The following NWD2 variants were observed in gnomAD, a reference collection of about 807,000 sequenced individuals.
NWD2 encodes NACHT and WD repeat domain containing 2.
Under a neutral mutation model 132.7 loss-of-function variants are expected in NWD2, and 37 were observed. That is an observed-to-expected ratio of 0.28 (90% CI 0.21 to 0.37). NWD2 has a LOEUF of 0.37. Ranked by LOEUF, NWD2 falls within the 10% of genes least tolerant of loss-of-function variation. The pLI is 1.00. For synonymous variants in NWD2, 705 were observed against 803.0 expected (o/e 0.88, Z 2.06); for missense variants, 1,592 against 2,122.4 (o/e 0.75, Z 4.91).
At chr4:37,311,809 G>T in intron 1 of NWD2, among the ~76,000 whole-genome samples, 1 of 149,152 alleles carries the variant, frequency 6.7e-6, no homozygotes, top group African/African-American at 2.6e-5. Context: ...TTTTGTATAA[G>T]GTATAAGGAA....
At position 37,255,058 on chromosome 4, in the gene NWD2, T is replaced by C. The variant is rs927909866; in HGVS notation, c.151+9840T>C. Among the ~76,000 whole-genome samples, 3 of 152,222 alleles carry C rather than the reference T, an allele frequency of 2.0e-5. No homozygotes were observed. The South Asian group carries it at 6.2e-4, about 31-fold the overall frequency. On this transcript the variant is annotated intron_variant, in intron 1 of 6. Transcript: ENST00000309447. ...TCTTAGCATCAACTGCAGTATTTATTAGATACCCATTGTGCACTAGCAAAC... is the reference window on the plus strand; with the variant it reads ...TCTTAGCATCAACTGCAGTATTTATCAGATACCCATTGTGCACTAGCAAAC...
chr4:37,358,808 A>G (rs1289998554), intron 3 of NWD2, among the ~76,000 whole-genome samples: 1 of 152,196 alleles, frequency 6.6e-6, no homozygotes, highest in East Asian at 1.9e-4. Context: ...CTGCCTGAAG[A>G]TGAAATCACC....
At chr4:37,291,665 ATAT>A (rs1310524988) in intron 1 of NWD2, among the ~76,000 whole-genome samples, 1 of 152,086 alleles carries the variant, frequency 6.6e-6, no homozygotes, top group Non-Finnish European at 1.5e-5. Context: ...ACTGATAATA[ATAT>A]TAATATATTA....
intron 1 of NWD2, among the ~76,000 whole-genome samples, chr4:37,246,155 T>A (rs1455174385): frequency 1.3e-5 from 2 of 152,188 alleles, no homozygotes; most frequent in African/African-American, 4.8e-5. Flanking sequence ...GGTGAAAGAT[T>A]TGAGAATTAA....
intron 2 of NWD2, among the ~76,000 whole-genome samples, chr4:37,331,773 G>A (rs920810917): frequency 4.6e-5 from 7 of 152,190 alleles, no homozygotes; most frequent in Admixed American, 1.3e-4. Context: ...ACTGGAAAAG[G>A]CACTGAAGAG....
Position 37,446,482 on chromosome 4 carries a change from A to G in NWD2, c.4494A>G (p.Thr1498=). ...PDCPDIIVFI[T]SAETVNIWSL... ...GTCCTGATATCATCGTGTTTATCAC[A>G]TCGGCCGAGACTGTGAACATCTGGA... Residue 1498 remains threonine (T), a synonymous_variant, in exon 7 of 7, where the codon ACA becomes ACG. Transcript: ENST00000309447. The surrounding 1 kb of genome is among the most constrained non-coding windows in gnomAD (Gnocchi z 6.7). 3 of 1,551,738 alleles carry G rather than the reference A, an allele frequency of 1.9e-6. No individual in the cohort carries two copies. Among genetic ancestry groups the G allele is most frequent in the African/African-American group, 1.4e-5 (1 of 73,170 alleles).
intron 2 of NWD2, among the ~76,000 whole-genome samples, chr4:37,342,470 C>G (rs1349100481): frequency 2.0e-5 from 3 of 152,158 alleles, no homozygotes; most frequent in Non-Finnish European, 2.9e-5. Context: ...CAACACAGAA[C>G]AGACTGACAA....
chr4:37,387,670 C>CTTTT (rs34665816), intron 3 of NWD2, among the ~76,000 whole-genome samples: 3 of 88,706 alleles, frequency 3.4e-5, no homozygotes, highest in African/African-American at 4.9e-5. Flanking sequence ...TTGAAATATT[C>CTTTT]TTTTTTTTTT....
At chr4:37,254,753 G>A (rs771613377) in intron 1 of NWD2, among the ~76,000 whole-genome samples, 11 of 152,182 alleles carry the variant, frequency 7.2e-5, no homozygotes, top group Non-Finnish European at 1.3e-4. Flanking sequence ...AAAAACTGCA[G>A]CTTGGATGCA....
intron 1 of NWD2, among the ~76,000 whole-genome samples, chr4:37,276,515 A>G (rs1174295875): frequency 1.3e-5 from 2 of 152,202 alleles, no homozygotes; most frequent in Non-Finnish European, 2.9e-5. Flanking sequence ...TAGTTCAACC[A>G]TTGTGGAAGT....
intron 3 of NWD2, among the ~76,000 whole-genome samples, chr4:37,407,925 A>G (rs1201863967): frequency 6.6e-6 from 1 of 152,144 alleles, no homozygotes; most frequent in Non-Finnish European, 1.5e-5. Flanking sequence ...CGGGAAGTGC[A>G]TGGGGTCAGG....
intron 3 of NWD2, among the ~76,000 whole-genome samples, chr4:37,380,993 C>T (rs1484980611): frequency 6.6e-6 from 1 of 152,148 alleles, no homozygotes; most frequent in African/African-American, 2.4e-5. Context: ...AGATTAAAAT[C>T]TCACCTTTTT....
In NWD2 at chr4:37,296,729, A is replaced by G. The variant is rs79775384; in HGVS notation, c.152-29207A>G. On this transcript the variant is annotated intron_variant, in intron 1 of 6. Coordinates refer to ENST00000309447, the MANE Select transcript of NWD2 (RefSeq NM_001144990.2). ...GACCTAGGGATAAAAAAGCCTACCT[A>G]TTAGGTACAATGTATACTACTTGGG... Among the ~76,000 whole-genome samples the G allele has an allele frequency of 6.5e-3, 988 of 152,246 alleles. 8 individuals are homozygous for G. Among genetic ancestry groups the G allele is most frequent in the African/African-American group, 0.021 (873 of 41,548 alleles).
intron 2 of NWD2, among the ~76,000 whole-genome samples, chr4:37,345,486 A>G (rs949780824): frequency 2.0e-5 from 3 of 152,162 alleles, no homozygotes; most frequent in Non-Finnish European, 4.4e-5. Context: ...TTTATGTTGG[A>G]AATTTGTATA....
intron 2 of NWD2, among the ~76,000 whole-genome samples, chr4:37,354,267 G>A (rs1050225432): frequency 6.6e-6 from 1 of 152,132 alleles, no homozygotes; most frequent in Non-Finnish European, 1.5e-5. Context: ...TCTCCTGTAT[G>A]AGATGTCTGT....
chr4:37,259,067 G>A (rs1717579184), intron 1 of NWD2, among the ~76,000 whole-genome samples: 1 of 152,194 alleles, frequency 6.6e-6, no homozygotes, highest in Non-Finnish European at 1.5e-5. Context: ...GGATGGCAGT[G>A]CAGATTTCAA....
intron 3 of NWD2, among the ~76,000 whole-genome samples, chr4:37,402,172 C>T (rs540818450): frequency 6.6e-5 from 10 of 152,316 alleles, no homozygotes; most frequent in Admixed American, 4.6e-4. Flanking sequence ...AGGGCCACAC[C>T]AGATGCTGAG....
At chr4:37,326,058 T>A in intron 2 of NWD2, 34 bp downstream of exon 2, 1 of 1,298,934 alleles carries the variant, frequency 7.7e-7, no homozygotes, top group Non-Finnish European at 1.1e-6. Context: ...CACAGTTATG[T>A]CCAGTTAAAT....
chr4:37,315,959 TTCTC>T (rs1048310284), intron 1 of NWD2, among the ~76,000 whole-genome samples: 6 of 152,100 alleles, frequency 3.9e-5, no homozygotes, highest in African/African-American at 1.4e-4. Flanking sequence ...TCTATTTTTC[TTCTC>T]TCTCCTTTGT....
Sources: allele counts gnomAD v4.1 joint callset (sites outside exome capture counted in the v4.1 genomes callset), GRCh38; gene constraint gnomAD v4.1.1; non-coding constraint Gnocchi (gnomAD v3.1); transcripts MANE v1.5; gene names NCBI Gene and HGNC (gene_info 2026-07-23, HGNC 2026-07-21).